Variants in LMLN observed in about 807,000 individuals in gnomAD.
The protein encoded by LMLN is leishmanolysin-like peptidase.
A neutral mutation model predicts 92.3 loss-of-function variants in LMLN; 70 were observed. That is an observed-to-expected ratio of 0.76 (90% confidence interval 0.63 to 0.92). The LOEUF (loss-of-function observed/expected upper bound fraction) is 0.92, where lower values mean the gene tolerates loss of function less well. LMLN is among the 40% of genes least tolerant of loss of function. The probability of loss-of-function intolerance (pLI) is 0.00; values close to 1 mark genes in which losing one functional copy is unlikely to be tolerated. For missense variants in LMLN, 691 were observed against 814.6 expected (o/e 0.85, Z 1.85); for synonymous variants, 308 against 296.2 (o/e 1.04, Z -0.41).
At chr3:198,027,719 A>T (rs1327534430) in intron 14 of LMLN, among the ~76,000 whole-genome samples, 1 of 152,188 alleles carries the variant, frequency 6.6e-6, no homozygotes, top group African/African-American at 2.4e-5. Flanking sequence ...TTATGTCTCA[A>T]TAACACTCCA....
chr3:198,005,806 G>A (rs1332024942), intron 11 of LMLN, among the ~76,000 whole-genome samples: 1 of 151,898 alleles, frequency 6.6e-6, no homozygotes, highest in Non-Finnish European at 1.5e-5. Flanking sequence ...GGCTAATTTT[G>A]TAATTTTAAT....
intron 13 of LMLN, among the ~76,000 whole-genome samples, chr3:198,023,921 G>A (rs777387437): frequency 6.6e-6 from 1 of 152,186 alleles, no homozygotes; most frequent in Non-Finnish European, 1.5e-5. Flanking sequence ...ACAAGTTGAA[G>A]ATATAAGAAA....
rs1280152695 is a variant in LMLN, at chr3:198,019,627, T to G, written c.1365+242T>G. Reference sequence around the variant, plus strand: ...AAGAATAATTTGAATATTTGATCTGTTTTTACCTGTTTATGTTTTCTAATT... The same window carrying G: ...AAGAATAATTTGAATATTTGATCTGGTTTTACCTGTTTATGTTTTCTAATT... On this transcript the variant is annotated intron_variant, in intron 12 of 15. Coordinates refer to ENST00000330198, the Ensembl canonical transcript of LMLN. The surrounding 1 kb of genome is among the most constrained non-coding windows in gnomAD (Gnocchi z 5.5). 6.6e-6 allele frequency among the ~76,000 whole-genome samples: 1 copy of G among 152,216 alleles called. No homozygotes were observed. The highest frequency in any genetic ancestry group is 2.4e-5 in the African/African-American group (1 of 41,456).
chr3:198,028,970 G>C (rs909556735), intron 14 of LMLN, among the ~76,000 whole-genome samples: 1 of 152,154 alleles, frequency 6.6e-6, no homozygotes, highest in Non-Finnish European at 1.5e-5. Context: ...GTCTGAACTG[G>C]CTGTGGACGT....
intron 13 of LMLN, among the ~76,000 whole-genome samples, 178 bp from the exon 15 acceptor site, chr3:198,024,480 C>T (rs575324648): frequency 6.6e-6 from 1 of 152,066 alleles, no homozygotes; most frequent in African/African-American, 2.4e-5. Flanking sequence ...CTCACAAAAC[C>T]CTGGGATTAC....
At position 198,036,144 on chromosome 3, in the gene LMLN, T is replaced by A. The variant is rs545023120; in HGVS notation, c.1867+101T>A. ...CCCTTCAAGGAAGCTCTAAAACAAG[T>A]TGAGTTTCTTCTCTGCTGATTGCAT... On this transcript the variant is annotated intron_variant, in intron 15 of 15. Transcript: ENST00000330198. The A allele has an allele frequency of 1.2e-4, 121 of 1,037,878 alleles. No individual in the cohort carries two copies. In the African/African-American group the frequency reaches 1.7e-3, roughly 14 times the overall value. The allele number at this position is 1,037,878 out of a possible 1,614,324, so 64.3% of individuals were successfully genotyped here. A position where few individuals can be genotyped will look rare whatever the true frequency, so the allele number is the denominator to read the frequency against.
intron 11 of LMLN, 51 bp downstream of exon 12, chr3:198,003,176 C>A: frequency 9.4e-7 from 1 of 1,058,794 alleles, no homozygotes; most frequent in Admixed American, 2.3e-5. Context: ...TCCTTTCTGA[C>A]TTTATTCTTT....
At chr3:197,987,046 G>T (rs1311006577) in intron 8 of LMLN, among the ~76,000 whole-genome samples, 1 of 151,436 alleles carries the variant, frequency 6.6e-6, no homozygotes, top group African/African-American at 2.4e-5. Context: ...CACCATGTTG[G>T]CCAGGCTGGT....
intron 11 of LMLN, among the ~76,000 whole-genome samples, chr3:198,001,144 C>T (rs1560145767): frequency 6.6e-6 from 1 of 152,092 alleles, no homozygotes; most frequent in Non-Finnish European, 1.5e-5. Context: ...TTACTGTGTT[C>T]CTGTTAGCAT....
At chr3:198,035,361 GTTTTTTTT>G (rs10679322) in intron 14 of LMLN, among the ~76,000 whole-genome samples, 2 of 117,706 alleles carry the variant, frequency 1.7e-5, no homozygotes, top group African/African-American at 3.6e-5. Context: ...CCCTCTTTTG[GTTTTTTTT>G]TTTTTTTTTT....
intron 8 of LMLN, among the ~76,000 whole-genome samples, chr3:197,990,181 G>C (rs1192057368): frequency 6.6e-6 from 1 of 152,036 alleles, no homozygotes; most frequent in Non-Finnish European, 1.5e-5. Flanking sequence ...TCCTGCCTCA[G>C]CCGCCTGTGT....
At chr3:197,969,325 C>A (rs1159332423) in intron 1 of LMLN, among the ~76,000 whole-genome samples, 1 of 151,920 alleles carries the variant, frequency 6.6e-6, no homozygotes, top group Non-Finnish European at 1.5e-5. Context: ...AATTTGAGAT[C>A]TTTTTTCTAA....
chr3:198,025,315 A>G lies in LMLN; in HGVS notation c.1656+527A>G, dbSNP rs12630618. On this transcript the variant is annotated intron_variant, in intron 14 of 15. Coordinates refer to ENST00000330198, the Ensembl canonical transcript of LMLN. The surrounding 1 kb of genome is among the most constrained non-coding windows in gnomAD (Gnocchi z 4.3). The stretch of plus-strand genomic sequence containing the variant: ...TAAATCAGTTGCTGATTAATAATAG[A>G]GTGTTTTTTCCTTTGTAATTAGAAA... 0.38 allele frequency among the ~76,000 whole-genome samples: 57,478 copies of G among 152,146 alleles called. 15,435 individuals carry two copies. Among genetic ancestry groups the G allele is most frequent in the African/African-American group, 0.77 (31,916 of 41,494 alleles).
chr3:198,010,503 A>G (rs1185490380), intron 11 of LMLN, among the ~76,000 whole-genome samples: 2 of 150,702 alleles, frequency 1.3e-5, no homozygotes, highest in Non-Finnish European at 2.9e-5. Flanking sequence ...GCTTGAGTAC[A>G]ATGGGTGCGA....
In LMLN at chr3:198,021,378, C is replaced by G. The variant is rs903133804; in HGVS notation, c.1366-68C>G. The G allele has an allele frequency of 3.5e-6, 5 of 1,420,036 alleles. No homozygotes were observed. The African/African-American group carries it at 7.1e-5, about 20-fold the overall frequency. 88.0% of individuals were successfully genotyped at this position (1,420,036 alleles called of 1,614,324 possible). ...GCATTAAAGGGTTGCGAGAAATTGC[C>G]TGTGCACTTCCTCAATTTTATACAG... On this transcript the variant is annotated intron_variant, in intron 12 of 15. Transcript: ENST00000330198.
chr3:197,969,034 G>A (rs1269567333), intron 1 of LMLN, among the ~76,000 whole-genome samples: 1 of 151,152 alleles, frequency 6.6e-6, no homozygotes, highest in Admixed American at 6.6e-5. Context: ...TGGAAAGTCT[G>A]TAGTGATATC....
In LMLN at chr3:198,019,663, C is replaced by G. The variant is rs777390903; in HGVS notation, c.1365+278C>G. Among the ~76,000 whole-genome samples the G allele has an allele frequency of 6.6e-6, 1 of 152,074 alleles. No homozygotes were observed. Among genetic ancestry groups the G allele is most frequent in the East Asian group, 1.9e-4 (1 of 5,192 alleles). On this transcript the variant is annotated intron_variant, in intron 12 of 15. Transcript: ENST00000330198. The surrounding 1 kb of genome is among the most constrained non-coding windows in gnomAD (Gnocchi z 5.5). ...TTATGTTTTCTAATTGTTTCCAAAGCCTTGCTATTTAAATTCCTCTAATTT... is the reference window on the plus strand; with the variant it reads ...TTATGTTTTCTAATTGTTTCCAAAGGCTTGCTATTTAAATTCCTCTAATTT...
At chr3:197,982,173 T>A (rs1179250109) in intron 6 of LMLN, among the ~76,000 whole-genome samples, 4 of 152,016 alleles carry the variant, frequency 2.6e-5, no homozygotes, top group African/African-American at 9.7e-5. Flanking sequence ...TGCACAGGAA[T>A]TAGTTAACTA....
rs1263841492 is a variant in LMLN at position 198,042,202 on chromosome 3, C to CA, written c.*3536dup. 6.6e-6 allele frequency: 1 copy of CA among 152,098 alleles called. No homozygotes were observed. Among genetic ancestry groups the CA allele is most frequent in the Non-Finnish European group, 1.5e-5 (1 of 68,040 alleles). 9.4% of individuals were successfully genotyped at this position (152,098 alleles called of 1,614,324 possible). On this transcript the variant is annotated 3_prime_UTR_variant, in exon 16 of 16. Coordinates refer to ENST00000330198, the Ensembl canonical transcript of LMLN. The surrounding 1 kb of genome is among the most constrained non-coding windows in gnomAD (Gnocchi z 4.2). Reference sequence around the variant, plus strand: ...AGACTTAGAAGGACACTGAACCTGTCAGAGATTTTAAGAGGCACATTTTAG... The same window carrying CA: ...AGACTTAGAAGGACACTGAACCTGTCAAGAGATTTTAAGAGGCACATTTTAG...
Sources: gnomAD v4.1 joint callset for allele counts (sites outside exome capture counted in the v4.1 genomes callset) on GRCh38, gnomAD v4.1.1 for gene constraint, Gnocchi (gnomAD v3.1) non-coding constraint, MANE v1.5 for transcripts, NCBI Gene and HGNC (gene_info 2026-07-23, HGNC 2026-07-21) for gene names.